The following NCOR2 variants were observed in gnomAD, a reference collection of about 807,000 sequenced individuals.
NCOR2 encodes the protein CTG repeat protein 26.
A neutral mutation model predicts 262.9 loss-of-function variants in NCOR2; 81 were observed. That is an observed-to-expected ratio of 0.31 (90% CI 0.26 to 0.37). The LOEUF (loss-of-function observed/expected upper bound fraction) is 0.37. Ranked by LOEUF, NCOR2 falls within the 10% of genes least tolerant of loss-of-function variation. NCOR2 has a pLI of 1.00. For missense variants in NCOR2, 3,385 were observed against 3,621.4 expected (o/e 0.93, Z 1.68); for synonymous variants, 1,659 against 1,559.3 (o/e 1.06, Z -1.51).
At chr12:124,553,113 T>C (rs1029968856) in intron 1 of NCOR2, among the ~76,000 whole-genome samples, 1 of 152,214 alleles carries the variant, frequency 6.6e-6, no homozygotes, top group Non-Finnish European at 1.5e-5. Context: ...TCCATCACCC[T>C]TTATGGCTTC....
rs1219808023 is a variant in NCOR2 at position 124,481,291 on chromosome 12, G to A, written c.411+2305C>T. Among the ~76,000 whole-genome samples the A allele has an allele frequency of 1.3e-5, 2 of 152,122 alleles. No individual in the cohort carries two copies. The highest frequency in any genetic ancestry group is 4.8e-5 in the African/African-American group (2 of 41,412). On this transcript the variant is annotated intron_variant, in intron 3 of 46. Transcript: ENST00000405201. This position sits in a 1 kb window ranked among gnomAD's most constrained non-coding sequence, Gnocchi z 4.6. Reference sequence around the variant, plus strand: ...GAGGGGGCAGTGCCCGAGAGGAACTGGCATCGACACCAGTCCCAAGCCCAG... The same window carrying A: ...GAGGGGGCAGTGCCCGAGAGGAACTAGCATCGACACCAGTCCCAAGCCCAG...
At chr12:124,458,202 G>A (rs1343167046) in intron 5 of NCOR2, among the ~76,000 whole-genome samples, 6 of 152,200 alleles carry the variant, frequency 3.9e-5, no homozygotes, top group Admixed American at 3.9e-4. Flanking sequence ...AACCAGATTG[G>A]CCAAAAGGAG....
At chr12:124,330,980 G>A in intron 43 of NCOR2, 82 bp from the exon 46 acceptor site, 3 of 1,450,742 alleles carry the variant, frequency 2.1e-6, no homozygotes, top group Non-Finnish European at 2.8e-6. Context: ...GTCCAGGCCA[G>A]GTGTGCTGGC....
At chr12:124,468,299 C>CTT in intron 4 of NCOR2, among the ~76,000 whole-genome samples, 1 of 38,944 alleles carries the variant, frequency 2.6e-5, no homozygotes, top group Non-Finnish European at 6.5e-5. Flanking sequence ...TCATCACGCC[C>CTT]ATCACCCTCA....
At chr12:124,524,423 TCAAA>T (rs2050348776) in intron 1 of NCOR2, among the ~76,000 whole-genome samples, 2 of 152,170 alleles carry the variant, frequency 1.3e-5, no homozygotes, top group Admixed American at 1.3e-4. Flanking sequence ...AGGACCTCAC[TCAAA>T]CAAGAGAAAG....
Position 124,457,158 on chromosome 12 carries a change from T to C in NCOR2, c.710A>G (p.Lys237Arg). Residue 237 changes from lysine to arginine, a missense_variant, in exon 6 of 47, where the codon AAG becomes AGG. Physicochemically the swap from Lys to Arg is conservative, Grantham distance 26. Coordinates refer to ENST00000405201, the Ensembl canonical transcript of NCOR2. The surrounding 1 kb of genome is among the most constrained non-coding windows in gnomAD (Gnocchi z 4.0). ...CAGAATCCGATGTGCAGCTTCAGCCTTCTTCTGCAGGGTGATGGCGAAGAG... is the reference window on the plus strand; with the variant it reads ...CAGAATCCGATGTGCAGCTTCAGCCCTCTTCTGCAGGGTGATGGCGAAGAG... 1 of 1,496,680 alleles carries C rather than the reference T, an allele frequency of 6.7e-7. No homozygotes were observed. The highest frequency in any genetic ancestry group is 8.9e-7 in the Non-Finnish European group (1 of 1,128,118). The allele number at this position is 1,496,680 out of a possible 1,614,324, so 92.7% of individuals were successfully genotyped here.
Position 124,340,586 on chromosome 12 carries a change from T to A in NCOR2, c.5338+16A>T. ...GGATGCCGGGGTCCCCACCCCAGAC[T>A]GGGCAGTGGCGCTACCTGGGGAGAG... On this transcript the variant is annotated intron_variant, in intron 35 of 46. Transcript: ENST00000405201. The A allele has an allele frequency of 6.6e-7, 1 of 1,504,746 alleles. No individual in the cohort carries two copies. The highest frequency in any genetic ancestry group is 8.8e-7 in the Non-Finnish European group (1 of 1,132,118). 93.2% of individuals were successfully genotyped at this position (1,504,746 alleles called of 1,614,324 possible).
intron 44 of NCOR2, among the ~76,000 whole-genome samples, 185 bp downstream of exon 46, chr12:124,330,660 C>T (rs1387928478): frequency 6.6e-6 from 1 of 152,258 alleles, no homozygotes; most frequent in East Asian, 1.9e-4. Context: ...CCTGTCTACA[C>T]AGGGAACAAG....
intron 20 of NCOR2, 101 bp downstream of exon 22, chr12:124,371,921 A>G (rs924548573): frequency 4.8e-6 from 6 of 1,241,872 alleles, no homozygotes; most frequent in Non-Finnish European, 4.3e-6. Context: ...GGCTCCCCCA[A>G]AGCAGGCAGA....
At chr12:124,375,341 C>T (rs35473088) in intron 18 of NCOR2, among the ~76,000 whole-genome samples, 10,114 of 152,238 alleles carry the variant, frequency 0.066, 478 homozygotes, top group South Asian at 0.15. Context: ...GTTAACTTCT[C>T]GGTCTCACAG....
In NCOR2 at chr12:124,566,254, C is replaced by T. The variant is rs1250984801; in HGVS notation, c.-165+1054G>A. ...GGAGGAAGGGAGGAGGCTGAGCCGA[C>T]AGAACAGATCCGCCCCCGCTGCCTG... On this transcript the variant is annotated intron_variant, in intron 1 of 32. Coordinates refer to the NCOR2 transcript ENST00000458234. The surrounding 1 kb of genome is among the most constrained non-coding windows in gnomAD (Gnocchi z 4.3). Among the ~76,000 whole-genome samples the T allele has an allele frequency of 6.6e-6, 1 of 152,184 alleles. No individual in the cohort carries two copies. Among genetic ancestry groups the T allele is most frequent in the Non-Finnish European group, 1.5e-5 (1 of 68,032 alleles).
chr12:124,445,044 C>T (rs1024833135), intron 7 of NCOR2, among the ~76,000 whole-genome samples: 10 of 152,240 alleles, frequency 6.6e-5, no homozygotes, highest in East Asian at 5.8e-4. Flanking sequence ...TCCCATCAGC[C>T]GACCCCCAAA....
At chr12:124,462,528 G>A (rs925691747) in intron 5 of NCOR2, among the ~76,000 whole-genome samples, 9 of 152,234 alleles carry the variant, frequency 5.9e-5, no homozygotes, top group African/African-American at 1.7e-4. Context: ...CAGAGGACGC[G>A]TGCAGCAGCC....
chr12:124,544,678 C>A (rs555249709), intron 1 of NCOR2, among the ~76,000 whole-genome samples: 2 of 152,306 alleles, frequency 1.3e-5, no homozygotes, highest in African/African-American at 4.8e-5. Flanking sequence ...CCCCAGCACC[C>A]GTGACCTGCT....
At chr12:124,332,420 A>G in exon 43 of NCOR2, 2 of 1,614,148 alleles carry the variant, frequency 1.2e-6, no homozygotes, top group Non-Finnish European at 1.7e-6. Flanking sequence ...CTTGCTGAAG[A>G]AGGCTGGCGG....
chr12:124,524,598 T>C (rs1164358489), intron 1 of NCOR2, among the ~76,000 whole-genome samples: 1 of 152,208 alleles, frequency 6.6e-6, no homozygotes, highest in Non-Finnish European at 1.5e-5. Flanking sequence ...GATCCAGCCG[T>C]GCCTGAACGT....
chr12:124,333,446 A>T (rs1381556786), intron 41 of NCOR2, among the ~76,000 whole-genome samples, 167 bp from the exon 44 acceptor site: 1 of 151,822 alleles, frequency 6.6e-6, no homozygotes, highest in Non-Finnish European at 1.5e-5. Flanking sequence ...TATCGTTATC[A>T]TTTTTATTTT....
chr12:124,328,398 G>T (rs1160315075), intron 44 of NCOR2: 1 of 152,740 alleles, frequency 6.5e-6, no homozygotes, highest in Non-Finnish European at 1.5e-5. Flanking sequence ...CCCTGGTCCG[G>T]CCCCAGCTGG....
intron 13 of NCOR2, among the ~76,000 whole-genome samples, chr12:124,415,268 C>G (rs2042795967): frequency 6.6e-6 from 1 of 152,226 alleles, no homozygotes; most frequent in Non-Finnish European, 1.5e-5. Context: ...CGGTGCTGGG[C>G]CCACCCCAGG....
Sources: allele counts gnomAD v4.1 joint callset (sites outside exome capture counted in the v4.1 genomes callset), GRCh38; gene constraint gnomAD v4.1.1; non-coding constraint Gnocchi (gnomAD v3.1); transcripts MANE v1.5; gene names NCBI Gene and HGNC (gene_info 2026-07-23, HGNC 2026-07-21).